The following ARHGEF3 variants were observed in gnomAD, a reference collection of about 807,000 sequenced individuals.
ARHGEF3 encodes the protein 59.8 kDA protein.
In ARHGEF3, 28 loss-of-function variants were observed where a neutral mutation model predicts 63.2. The ratio of observed to expected loss-of-function variants is 0.44; its 90% CI spans 0.33 to 0.61. ARHGEF3 has a LOEUF of 0.61. Ranked by LOEUF, ARHGEF3 falls within the 20% of genes least tolerant of loss-of-function variation. The probability of loss-of-function intolerance (pLI) is 0.03; values close to 1 mark genes in which losing one functional copy is unlikely to be tolerated. For missense variants in ARHGEF3, 533 were observed against 659.3 expected (o/e 0.81, Z 2.10); for synonymous variants, 266 against 254.2 (o/e 1.05, Z -0.44).
At chr3:56,841,299 G>C (rs2039300186) in intron 4 of ARHGEF3, among the ~76,000 whole-genome samples, 2 of 152,168 alleles carry the variant, frequency 1.3e-5, no homozygotes, top group Admixed American at 1.3e-4. Flanking sequence ...TCAAAGAGGT[G>C]GTGAGAAGAA....
chr3:56,778,728 T>C (rs979714128), intron 1 of ARHGEF3, among the ~76,000 whole-genome samples: 17 of 151,956 alleles, frequency 1.1e-4, no homozygotes, highest in Admixed American at 3.9e-4. Flanking sequence ...AGAGAAGGGG[T>C]CTTGCCATGT....
intron 2 of ARHGEF3, among the ~76,000 whole-genome samples, chr3:56,966,763 T>G (rs1256009862): frequency 1.3e-5 from 2 of 152,056 alleles, no homozygotes; most frequent in Non-Finnish European, 2.9e-5. Context: ...AGGGACACTT[T>G]CAAGATTCTG....
intron 2 of ARHGEF3, among the ~76,000 whole-genome samples, chr3:56,983,770 T>C (rs995884351): frequency 2.6e-5 from 4 of 152,054 alleles, no homozygotes; most frequent in African/African-American, 9.7e-5. Context: ...ACCCTGTCTC[T>C]ACTAAAAATA....
chr3:56,947,156 C>G (rs1393380382), intron 3 of ARHGEF3, among the ~76,000 whole-genome samples: 3 of 152,146 alleles, frequency 2.0e-5, no homozygotes, highest in East Asian at 3.9e-4. Flanking sequence ...ACAACCAGTA[C>G]CAGCCACTGC....
chr3:56,994,064 CAAAAA>C (rs60299557), intron 2 of ARHGEF3, among the ~76,000 whole-genome samples: 8 of 59,750 alleles, frequency 1.3e-4, no homozygotes, highest in South Asian at 1.5e-3. Flanking sequence ...AACTTCGTCT[CAAAAA>C]AAAAAAAAAA....
intron 4 of ARHGEF3, among the ~76,000 whole-genome samples, chr3:56,844,460 T>C (rs2039418343): frequency 1.3e-5 from 2 of 152,108 alleles, no homozygotes; most frequent in Non-Finnish European, 2.9e-5. Flanking sequence ...AAATGACTAT[T>C]TAGAAACAAA....
At chr3:56,743,106 C>G (rs903848686) in intron 7 of ARHGEF3, among the ~76,000 whole-genome samples, 2 of 152,210 alleles carry the variant, frequency 1.3e-5, no homozygotes, top group Admixed American at 1.3e-4. Flanking sequence ...CTCTATCGCA[C>G]TCTTCCCAGT....
At chr3:57,032,950 G>A (rs1443304533) in intron 2 of ARHGEF3, among the ~76,000 whole-genome samples, 4 of 152,112 alleles carry the variant, frequency 2.6e-5, no homozygotes, top group Non-Finnish European at 5.9e-5. Context: ...GGGTCCCTGT[G>A]GGGACAGAGG....
chr3:57,073,900 A>G, intron 1 of ARHGEF3: 1 of 1,614,200 alleles, frequency 6.2e-7, no homozygotes, highest in Non-Finnish European at 8.5e-7. Context: ...GCCCTCCCAG[A>G]GCTGACATTT....
At chr3:56,918,815 T>C (rs2042051978) in intron 3 of ARHGEF3, among the ~76,000 whole-genome samples, 1 of 152,226 alleles carries the variant, frequency 6.6e-6, no homozygotes, top group South Asian at 2.1e-4. Flanking sequence ...TATTCAAACA[T>C]GTTTATGTAT....
intron 3 of ARHGEF3, among the ~76,000 whole-genome samples, chr3:56,952,684 G>A (rs1383412683): frequency 6.6e-6 from 1 of 152,142 alleles, no homozygotes; most frequent in Non-Finnish European, 1.5e-5. Context: ...GTAAGTGAAT[G>A]CCAGGGGTTA....
At chr3:57,034,299 T>A (rs1579134024) in intron 2 of ARHGEF3, among the ~76,000 whole-genome samples, 1 of 139,210 alleles carries the variant, frequency 7.2e-6, no homozygotes. Context: ...ACAAATGGCT[T>A]AAAAAAAAAA....
At position 56,739,537 on chromosome 3, in the gene ARHGEF3, C is replaced by T. The variant is rs1407922271; in HGVS notation, c.871-2182G>A. On this transcript the variant is annotated intron_variant, in intron 7 of 9. Transcript: ENST00000296315. The stretch of plus-strand genomic sequence containing the variant: ...CACCTCAGCCTCCTGATAGCTGGGA[C>T]CACAGGCGTGCGCCACCACACCTGG... 4.6e-5 allele frequency among the ~76,000 whole-genome samples: 7 copies of T among 151,504 alleles called. No individual in the cohort carries two copies. In the South Asian group the frequency reaches 1.5e-3, roughly 32 times the overall value.
chr3:57,074,947 T>TGGAGGCA (rs1313371054), intron 1 of ARHGEF3: 10 of 167,378 alleles, frequency 6.0e-5, no homozygotes, highest in Non-Finnish European at 7.3e-5. Context: ...TGCCAGGACC[T>TGGAGGCA]GGAGGGCAGG....
intron 1 of ARHGEF3, among the ~76,000 whole-genome samples, chr3:56,777,586 C>T (rs1248937331): frequency 6.6e-6 from 1 of 152,146 alleles, no homozygotes; most frequent in Non-Finnish European, 1.5e-5. Flanking sequence ...AAATGCCTAT[C>T]GTACCAATAT....
intron 3 of ARHGEF3, among the ~76,000 whole-genome samples, chr3:56,894,508 G>C (rs1302107869): frequency 6.6e-6 from 1 of 152,068 alleles, no homozygotes; most frequent in Non-Finnish European, 1.5e-5. Flanking sequence ...AGAAAGTTTA[G>C]GCCAGGTTTT....
chr3:56,907,337 C>T (rs1401489510), intron 3 of ARHGEF3, among the ~76,000 whole-genome samples: 1 of 152,010 alleles, frequency 6.6e-6, no homozygotes. Context: ...TATGGAGGCC[C>T]GATTTTAGCA....
At chr3:56,778,558 G>A (rs1356415986) in intron 1 of ARHGEF3, among the ~76,000 whole-genome samples, 1 of 152,062 alleles carries the variant, frequency 6.6e-6, no homozygotes, top group Non-Finnish European at 1.5e-5. Context: ...TTTGAGACAG[G>A]GTCTTGCTCT....
At chr3:56,829,582 G>A (rs1031011647) in intron 4 of ARHGEF3, among the ~76,000 whole-genome samples, 1 of 152,128 alleles carries the variant, frequency 6.6e-6, no homozygotes, top group South Asian at 2.1e-4. Context: ...AATGCCTCCC[G>A]AAGAACATCT....
Sources: gnomAD v4.1 joint callset for allele counts (sites outside exome capture counted in the v4.1 genomes callset) on GRCh38, gnomAD v4.1.1 for gene constraint, MANE v1.5 for transcripts, NCBI Gene and HGNC (gene_info 2026-07-23, HGNC 2026-07-21) for gene names.